Variants in TMEM150B observed in about 807,000 individuals in gnomAD.
TMEM150B encodes transmembrane protein 150B, also known as modulator of macroautophagy TMEM150B.
In TMEM150B, 33 loss-of-function variants were observed where a neutral mutation model predicts 25.2. That is an observed-to-expected ratio of 1.31 (90% CI 0.99 to 1.75). The LOEUF is 1.75. TMEM150B is among the 40% of genes most tolerant of loss of function. TMEM150B has a pLI of 0.00. For synonymous variants in TMEM150B, 133 were observed against 134.8 expected (o/e 0.99, Z 0.09); for missense variants, 322 against 306.1 (o/e 1.05, Z -0.39).
intron 6 of TMEM150B, among the ~76,000 whole-genome samples, chr19:55,319,041 A>T (rs2089101945): frequency 1.3e-5 from 2 of 152,154 alleles, no homozygotes; most frequent in Non-Finnish European, 2.9e-5. Flanking sequence ...TCCTGGGCTC[A>T]AGCCTCAGCC....
chr19:55,311,122 C>T (rs371024412), downstream of TMEM150B, among the ~76,000 whole-genome samples: 28 of 152,128 alleles, frequency 1.8e-4, no homozygotes, highest in South Asian at 3.3e-3. Context: ...CCACCACACC[C>T]GGCTAATTTT....
chr19:55,312,015 G>A, downstream of TMEM150B: 3 of 1,517,380 alleles, frequency 2.0e-6, no homozygotes, highest in South Asian at 3.7e-5. Flanking sequence ...TCCCCGCCGA[G>A]GCCCCCCCAA....
chr19:55,321,700 C>T (rs2089210743), intron 2 of TMEM150B, among the ~76,000 whole-genome samples: 1 of 152,154 alleles, frequency 6.6e-6, no homozygotes, highest in African/African-American at 2.4e-5. Context: ...GCCTCCAGCT[C>T]TCTCCAGCCT....
In TMEM150B at chr19:55,319,430, C is replaced by CTTTTTTTTTTTTTTT. The variant is rs1453085176; in HGVS notation, c.324+608_324+609insAAAAAAAAAAAAAAA. The CTTTTTTTTTTTTTTT allele has an allele frequency of 1.2e-4, 11 of 89,022 alleles. 1 individual carries two copies. Among genetic ancestry groups the CTTTTTTTTTTTTTTT allele is most frequent in the African/African-American group, 3.9e-4 (9 of 23,264 alleles). 5.5% of individuals were successfully genotyped at this position (89,022 alleles called of 1,614,324 possible). A position where few individuals can be genotyped will look rare whatever the true frequency, so the allele number is the denominator to read the frequency against. On this transcript the variant is annotated intron_variant, in intron 6 of 7. Transcript: ENST00000326652. ...GCCCGGCCAGTAATTTCATCTTCTT[C>CTTTTTTTTTTTTTTT]TTCTTTTTTTTTTTTTTTTTTTTTT...
At chr19:55,319,913 A>C (rs1211997346) in intron 6 of TMEM150B, 126 bp downstream of exon 6, 16 of 1,496,646 alleles carry the variant, frequency 1.1e-5, no homozygotes, top group Non-Finnish European at 1.4e-5. Flanking sequence ...AGAGAAAAAT[A>C]CAAGTCCCAG....
intron 1 of TMEM150B, among the ~76,000 whole-genome samples, chr19:55,323,298 G>C (rs1007958506): frequency 6.6e-6 from 1 of 151,946 alleles, no homozygotes; most frequent in Non-Finnish European, 1.5e-5. Flanking sequence ...TGGGTGTGGT[G>C]GCGGGAGCCT....
downstream of TMEM150B, among the ~76,000 whole-genome samples, chr19:55,310,715 G>A (rs1218909723): frequency 1.3e-5 from 2 of 152,158 alleles, no homozygotes; most frequent in Non-Finnish European, 2.9e-5. This position sits in a 1 kb window ranked among gnomAD's most constrained non-coding sequence, Gnocchi z 5.0. Context: ...AATGGCAGTC[G>A]TGCTGAGGTG....
downstream of TMEM150B, among the ~76,000 whole-genome samples, chr19:55,310,197 G>A (rs2088752449): frequency 6.6e-6 from 1 of 152,224 alleles, no homozygotes; most frequent in African/African-American, 2.4e-5. The surrounding 1 kb of genome is among the most constrained non-coding windows in gnomAD (Gnocchi z 5.0). Flanking sequence ...AGTCCTGGAG[G>A]TCAGAAGTCC....
chr19:55,322,225 C>T (rs1181071289), intron 2 of TMEM150B, among the ~76,000 whole-genome samples: 1 of 152,238 alleles, frequency 6.6e-6, no homozygotes, highest in Middle Eastern at 3.4e-3. Context: ...CCTTAGACTC[C>T]GGAGTCCCTC....
downstream of TMEM150B, among the ~76,000 whole-genome samples, chr19:55,310,142 A>G (rs972292034): frequency 2.0e-5 from 3 of 152,180 alleles, no homozygotes; most frequent in African/African-American, 7.2e-5. The surrounding 1 kb of genome is among the most constrained non-coding windows in gnomAD (Gnocchi z 5.0). Flanking sequence ...CCGTCAACAA[A>G]TGACACAGCC....
At chr19:55,309,629 C>CCCATTCATGAAGGCCCCACCCT (rs1407925828), downstream of TMEM150B, among the ~76,000 whole-genome samples, 1 of 152,270 alleles carries the variant, frequency 6.6e-6, no homozygotes, top group East Asian at 1.9e-4. Flanking sequence ...GGACACTAAT[C>CCCATTCATGAAGGCCCCACCCT]CCATTCATGA....
intron 2 of TMEM150B, among the ~76,000 whole-genome samples, chr19:55,322,130 C>A (rs983571758): frequency 8.5e-5 from 13 of 152,162 alleles, no homozygotes; most frequent in African/African-American, 3.1e-4. Context: ...GGAGTCATGG[C>A]CTCTTCCTTC....
chr19:55,310,174 G>A (rs1317123897), downstream of TMEM150B, among the ~76,000 whole-genome samples: 1 of 152,252 alleles, frequency 6.6e-6, no homozygotes, highest in African/African-American at 2.4e-5. The surrounding 1 kb of genome is among the most constrained non-coding windows in gnomAD (Gnocchi z 5.0). Context: ...AACAACACAA[G>A]TGATTTTCGT....
At chr19:55,315,005 C>G (rs1037178518) in intron 7 of TMEM150B, among the ~76,000 whole-genome samples, 1 of 152,194 alleles carries the variant, frequency 6.6e-6, no homozygotes, top group Non-Finnish European at 1.5e-5. Context: ...TCTCACTCTA[C>G]ACTCTACCTA....
chr19:55,315,486 G>A (rs1385875405), intron 7 of TMEM150B, among the ~76,000 whole-genome samples: 1 of 151,824 alleles, frequency 6.6e-6, no homozygotes, highest in Non-Finnish European at 1.5e-5. Context: ...AAAAGGCCAG[G>A]CACGGTGGCT....
intron 6 of TMEM150B, chr19:55,319,623 T>G: frequency 2.2e-6 from 1 of 463,288 alleles, no homozygotes; most frequent in Non-Finnish European, 2.9e-6. Context: ...TTTTGTATAT[T>G]TTAGGAGAGA....
At chr19:55,322,772 C>G in intron 1 of TMEM150B, 29 bp from the exon 2 acceptor site, 7 of 976,080 alleles carry the variant, frequency 7.2e-6, no homozygotes, top group Non-Finnish European at 8.5e-6. Context: ...GGCTGCAGGA[C>G]TGCCTGGGTC....
At chr19:55,323,572 G>A (rs1320687679) in intron 1 of TMEM150B, among the ~76,000 whole-genome samples, 6 of 149,944 alleles carry the variant, frequency 4.0e-5, no homozygotes, top group South Asian at 2.1e-4. Flanking sequence ...GCGCAATTTC[G>A]GCTCACTGCA....
chr19:55,317,097 T>C (rs982699353), intron 6 of TMEM150B, 131 bp from the exon 7 acceptor site: 2 of 741,276 alleles, frequency 2.7e-6, no homozygotes, highest in African/African-American at 3.7e-5. Flanking sequence ...ATGGGCTTAT[T>C]AAGCACATCA....
Sources: gnomAD v4.1 joint callset for allele counts (sites outside exome capture counted in the v4.1 genomes callset) on GRCh38, gnomAD v4.1.1 for gene constraint, Gnocchi (gnomAD v3.1) non-coding constraint, MANE v1.5 for transcripts, NCBI Gene and HGNC (gene_info 2026-07-23, HGNC 2026-07-21) for gene names.